The following NCAM2 variants were observed in gnomAD, a reference collection of about 807,000 sequenced individuals.
The protein encoded by NCAM2 is neural cell adhesion molecule 2, also known as N-CAM-2.
In NCAM2, 30 loss-of-function variants were observed where a neutral mutation model predicts 98.1. The ratio of observed to expected loss-of-function variants is 0.31; its 90% CI spans 0.23 to 0.41. The LOEUF (loss-of-function observed/expected upper bound fraction) is 0.41, where lower values mean the gene tolerates loss of function less well. NCAM2 is among the 10% of genes least tolerant of loss of function. The probability of loss-of-function intolerance (pLI) is 1.00; values close to 1 mark genes in which losing one functional copy is unlikely to be tolerated. For missense variants in NCAM2, 867 were observed against 1,005.8 expected, an observed-to-expected ratio of 0.86 and a Z score of 1.87; for synonymous variants, 368 against 342.4, an observed-to-expected ratio of 1.07 and a Z score of -0.83.
intron 5 of NCAM2, among the ~76,000 whole-genome samples, chr21:21,314,615 T>A (rs1304265894): frequency 6.6e-6 from 1 of 152,144 alleles, no homozygotes; most frequent in Non-Finnish European, 1.5e-5. Context: ...TCATGACATT[T>A]TGGTAGTGTC....
intron 1 of NCAM2, among the ~76,000 whole-genome samples, chr21:21,231,799 G>T (rs2070637908): frequency 6.6e-6 from 1 of 151,386 alleles, no homozygotes; most frequent in Non-Finnish European, 1.5e-5. Flanking sequence ...TGAGGTCTAA[G>T]ATTTCCAAAC....
At chr21:21,290,855 C>T (rs1475965081) in intron 4 of NCAM2, among the ~76,000 whole-genome samples, 2 of 151,846 alleles carry the variant, frequency 1.3e-5, no homozygotes, top group African/African-American at 4.8e-5. Context: ...GAGTGGCCTA[C>T]TACCCTAGCA....
At chr21:21,034,151 T>G (rs2064751309) in intron 1 of NCAM2, among the ~76,000 whole-genome samples, 1 of 152,056 alleles carries the variant, frequency 6.6e-6, no homozygotes, top group Admixed American at 6.6e-5. Context: ...AATAGGTCAG[T>G]TTGTTAAACA....
intron 9 of NCAM2, among the ~76,000 whole-genome samples, chr21:21,403,469 G>T (rs1403457077): frequency 5.3e-5 from 8 of 152,158 alleles, no homozygotes; most frequent in Non-Finnish European, 1.0e-4. Context: ...TAAGATTAAG[G>T]TTGAGACATT....
intron 12 of NCAM2, among the ~76,000 whole-genome samples, chr21:21,462,299 C>T (rs1983082672): frequency 6.6e-6 from 1 of 151,960 alleles, no homozygotes; most frequent in Non-Finnish European, 1.5e-5. Flanking sequence ...AGGACAAAAA[C>T]CCCATGAAGA....
intron 1 of NCAM2, among the ~76,000 whole-genome samples, chr21:21,002,040 C>T (rs185791000): frequency 7.9e-5 from 12 of 152,278 alleles, no homozygotes; most frequent in Admixed American, 7.8e-4. Context: ...ATCTGCTGTG[C>T]TCTAATTCTT....
At chr21:21,166,558 T>C (rs1166160371) in intron 1 of NCAM2, among the ~76,000 whole-genome samples, 1 of 152,136 alleles carries the variant, frequency 6.6e-6, no homozygotes, top group Non-Finnish European at 1.5e-5. Context: ...TATACCATCA[T>C]ATTCTCTGAT....
intron 1 of NCAM2, among the ~76,000 whole-genome samples, chr21:21,085,509 G>T (rs2065890091): frequency 6.6e-6 from 1 of 152,030 alleles, no homozygotes; most frequent in African/African-American, 2.4e-5. Flanking sequence ...CACTTGTCCA[G>T]CTGGGCTCAT....
chr21:21,029,681 A>G (rs966778607), intron 1 of NCAM2, among the ~76,000 whole-genome samples: 1 of 151,698 alleles, frequency 6.6e-6, no homozygotes, highest in Admixed American at 6.6e-5. Context: ...GCCAGGCTGG[A>G]GTACAGTGGC....
At chr21:21,468,268 G>A (rs985781) in intron 13 of NCAM2, among the ~76,000 whole-genome samples, 79,641 of 151,294 alleles carry the variant, frequency 0.53, 21,820 homozygotes, top group African/African-American at 0.59. Context: ...AGACTGATGT[G>A]TTAATGTATT....
chr21:21,106,026 A>G (rs2066337529), intron 1 of NCAM2, among the ~76,000 whole-genome samples: 2 of 152,052 alleles, frequency 1.3e-5, no homozygotes, highest in South Asian at 2.1e-4. Flanking sequence ...TCCATGTTAT[A>G]TTTCATGGTA....
intron 1 of NCAM2, among the ~76,000 whole-genome samples, chr21:21,022,095 G>A (rs1487895091): frequency 6.6e-6 from 1 of 152,026 alleles, no homozygotes; most frequent in Non-Finnish European, 1.5e-5. Flanking sequence ...ATATTGTACT[G>A]ATAAATGTCA....
chr21:21,331,168 C>A (rs970644183), intron 6 of NCAM2, among the ~76,000 whole-genome samples: 13 of 151,880 alleles, frequency 8.6e-5, no homozygotes, highest in African/African-American at 3.1e-4. Flanking sequence ...TTTTTGGAGA[C>A]AGATTCTCGC....
intron 17 of NCAM2, among the ~76,000 whole-genome samples, chr21:21,536,130 A>G (rs1602583405): frequency 6.6e-6 from 1 of 152,108 alleles, no homozygotes; most frequent in South Asian, 2.1e-4. Context: ...CACTATTTAT[A>G]ACATATATAA....
At chr21:21,314,773 T>TGTC (rs1300018091) in intron 5 of NCAM2, among the ~76,000 whole-genome samples, 4 of 152,174 alleles carry the variant, frequency 2.6e-5, no homozygotes, top group African/African-American at 9.7e-5. Context: ...TTGTTGTTGT[T>TGTC]GTTGTTAACA....
intron 1 of NCAM2, chr21:21,210,578 C>G (rs1475333232): frequency 7.8e-7 from 1 of 1,288,684 alleles, no homozygotes; most frequent in South Asian, 1.2e-5. Context: ...AGATCTGATT[C>G]AGGAGGACAA....
intron 6 of NCAM2, among the ~76,000 whole-genome samples, chr21:21,326,767 G>A (rs1162125536): frequency 2.0e-5 from 3 of 151,982 alleles, no homozygotes; most frequent in Non-Finnish European, 4.4e-5. Context: ...CTAAATAATT[G>A]TTCTAGTCTC....
intron 14 of NCAM2, among the ~76,000 whole-genome samples, chr21:21,469,378 G>A (rs1162280519): frequency 1.4e-5 from 2 of 146,354 alleles, no homozygotes; most frequent in Middle Eastern, 3.4e-3. Context: ...TGACACTATG[G>A]ACAACTGCGT....
At chr21:21,026,885 C>T (rs1236736629) in intron 1 of NCAM2, among the ~76,000 whole-genome samples, 110 of 124,746 alleles carry the variant, frequency 8.8e-4, no homozygotes, top group Middle Eastern at 5.3e-3. Flanking sequence ...GAGACAGCAT[C>T]TCATTCTGTT....
Sources: allele counts gnomAD v4.1 joint callset (sites outside exome capture counted in the v4.1 genomes callset), GRCh38; gene constraint gnomAD v4.1.1; transcripts MANE v1.5; gene names NCBI Gene and HGNC (gene_info 2026-07-23, HGNC 2026-07-21).